THEMIS: variants seen among roughly 807,000 people sequenced by gnomAD.
THEMIS encodes the protein thymocyte selection associated, also known as protein THEMIS.
In THEMIS, 37 loss-of-function variants were observed where a neutral mutation model predicts 52.6. The observed-to-expected ratio is 0.70, with a 90% CI of 0.54 to 0.93. The LOEUF (loss-of-function observed/expected upper bound fraction) is 0.93. Ranked by LOEUF, THEMIS falls within the 40% of genes least tolerant of loss-of-function variation. The probability of loss-of-function intolerance (pLI) is 0.00; values close to 1 mark genes in which losing one functional copy is unlikely to be tolerated. For missense variants in THEMIS, 808 were observed against 763.1 expected (o/e 1.06, Z -0.69); for synonymous variants, 292 against 272.7 (o/e 1.07, Z -0.70).
chr6:127,849,157 TC>T (rs757981021), intron 2 of THEMIS, among the ~76,000 whole-genome samples: 2 of 152,046 alleles, frequency 1.3e-5, no homozygotes, highest in Non-Finnish European at 2.9e-5. Flanking sequence ...TAGCCAGTTT[TC>T]CCAGCACCAT....
intron 2 of THEMIS, among the ~76,000 whole-genome samples, chr6:127,844,312 G>T (rs1351746326): frequency 6.6e-6 from 1 of 151,914 alleles, no homozygotes; most frequent in Admixed American, 6.6e-5. Context: ...TAAGAACAAT[G>T]TCTGGTACAT....
Position 127,708,528 on chromosome 6 carries a change from G to A in THEMIS, c.*1457C>T, listed in dbSNP as rs113549810. 1.3e-5 allele frequency: 2 copies of A among 152,070 alleles called. No homozygotes were observed. Among genetic ancestry groups the A allele is most frequent in the Non-Finnish European group, 2.9e-5 (2 of 67,982 alleles). 9.4% of individuals were successfully genotyped at this position (152,070 alleles called of 1,614,324 possible). On this transcript the variant is annotated 3_prime_UTR_variant, in exon 6 of 6. Transcript: ENST00000368248. ...TCTAAAAACACCTATGGTGCAGTTT[G>A]TCAAGGCTGTTAGGTTAAGATTCGC...
intron 2 of THEMIS, among the ~76,000 whole-genome samples, chr6:127,847,957 G>A (rs1045194135): frequency 1.3e-5 from 2 of 150,474 alleles, no homozygotes; most frequent in African/African-American, 2.4e-5. Context: ...TAGGGTACAT[G>A]TGCACAATGT....
chr6:127,710,717 A>G (rs1773946628), intron 5 of THEMIS, among the ~76,000 whole-genome samples: 1 of 152,026 alleles, frequency 6.6e-6, no homozygotes, highest in South Asian at 2.1e-4. Flanking sequence ...ATTCCTTTCT[A>G]CTATGGCTTT....
chr6:127,835,821 C>T, intron 2 of THEMIS, among the ~76,000 whole-genome samples: 1 of 152,154 alleles, frequency 6.6e-6, no homozygotes. Flanking sequence ...CAGGTGACCT[C>T]TTTAGGTGGA....
chr6:127,697,400 T>C, the THEMIS span, among the ~76,000 whole-genome samples: 4 of 152,144 alleles, frequency 2.6e-5, no homozygotes, highest in African/African-American at 9.7e-5. Flanking sequence ...CTCACTGATA[T>C]TGCTTCTTCT....
chr6:127,735,074 G>A (rs747797613), intron 4 of THEMIS, among the ~76,000 whole-genome samples: 9 of 150,868 alleles, frequency 6.0e-5, no homozygotes, highest in Admixed American at 2.0e-4. Context: ...TACTAGATTA[G>A]GATGATATTG....
intron 1 of THEMIS, chr6:127,868,352 G>T: frequency 1.3e-6 from 1 of 787,318 alleles, no homozygotes; most frequent in Non-Finnish European, 1.5e-6. Context: ...TATGGATGGG[G>T]CTTTGTTTTC....
intron 4 of THEMIS, among the ~76,000 whole-genome samples, chr6:127,741,638 A>G (rs988274305): frequency 6.6e-6 from 1 of 152,208 alleles, no homozygotes; most frequent in African/African-American, 2.4e-5. Context: ...GACCTGTGGA[A>G]GTCATTTATG....
At chr6:127,805,828 T>A (rs1359208066) in intron 4 of THEMIS, among the ~76,000 whole-genome samples, 2 of 152,158 alleles carry the variant, frequency 1.3e-5, no homozygotes, top group Admixed American at 1.3e-4. Flanking sequence ...ATCAATTTAT[T>A]TTTAGGCAAG....
intron 4 of THEMIS, among the ~76,000 whole-genome samples, chr6:127,768,200 C>T (rs906323679): frequency 3.3e-5 from 5 of 152,172 alleles, no homozygotes; most frequent in Admixed American, 3.3e-4. Context: ...TAATGAACAA[C>T]ATGATACTTC....
intron 4 of THEMIS, among the ~76,000 whole-genome samples, chr6:127,722,121 T>C (rs2114492024): frequency 6.6e-6 from 1 of 152,156 alleles, no homozygotes; most frequent in African/African-American, 2.4e-5. Flanking sequence ...TTTATAAACA[T>C]ATTAGTGTTT....
chr6:127,774,698 T>C (rs1460562214), intron 4 of THEMIS, among the ~76,000 whole-genome samples: 1 of 152,224 alleles, frequency 6.6e-6, no homozygotes, highest in East Asian at 1.9e-4. Flanking sequence ...CCAAGGATGA[T>C]GCATTTTCCT....
intron 1 of THEMIS, among the ~76,000 whole-genome samples, chr6:127,883,486 C>G (rs1396197376): frequency 6.6e-6 from 1 of 151,426 alleles, no homozygotes; most frequent in African/African-American, 2.4e-5. Context: ...GCCAAACATA[C>G]AAATTATTTA....
At chr6:127,802,503 C>A (rs968071185) in intron 4 of THEMIS, among the ~76,000 whole-genome samples, 1 of 152,196 alleles carries the variant, frequency 6.6e-6, no homozygotes, top group African/African-American at 2.4e-5. Flanking sequence ...TCAGAATAAT[C>A]TGATGTGTGT....
intron 4 of THEMIS, among the ~76,000 whole-genome samples, chr6:127,764,838 T>A (rs1345384980): frequency 6.6e-6 from 1 of 152,080 alleles, no homozygotes; most frequent in African/African-American, 2.4e-5. Context: ...TTTTGCTCTC[T>A]CTCTCTTTCC....
downstream of THEMIS, among the ~76,000 whole-genome samples, chr6:127,705,596 T>C (rs1298904708): frequency 1.3e-5 from 2 of 152,196 alleles, no homozygotes; most frequent in Non-Finnish European, 2.9e-5. Flanking sequence ...ATAACTGAAA[T>C]TGAAATATAC....
chr6:127,776,946 C>A (rs1046487030), intron 4 of THEMIS, among the ~76,000 whole-genome samples: 6 of 151,916 alleles, frequency 3.9e-5, no homozygotes, highest in Middle Eastern at 3.2e-3. Context: ...ATATTCCTTG[C>A]CCTAAAGTCC....
intron 4 of THEMIS, among the ~76,000 whole-genome samples, chr6:127,801,906 A>C (rs1777548854): frequency 6.6e-6 from 1 of 152,120 alleles, no homozygotes; most frequent in Admixed American, 6.5e-5. Flanking sequence ...AATTTATATA[A>C]AGAGAAATCT....
Sources: gnomAD v4.1 joint callset for allele counts (sites outside exome capture counted in the v4.1 genomes callset) on GRCh38, gnomAD v4.1.1 for gene constraint, MANE v1.5 for transcripts, NCBI Gene and HGNC (gene_info 2026-07-23, HGNC 2026-07-21) for gene names.